Variants in CSMD1 observed in about 807,000 individuals in gnomAD.
CSMD1 encodes the protein CUB and sushi domain-containing protein 1.
CSMD1 carries 213 observed loss-of-function variants against 417.5 expected under a neutral mutation model. The ratio of observed to expected loss-of-function variants is 0.51; its 90% CI spans 0.46 to 0.57. The LOEUF (loss-of-function observed/expected upper bound fraction) is 0.57. CSMD1 is among the 20% of genes least tolerant of loss of function. The pLI is 0.00. For missense variants in CSMD1, 6,923 were observed against 4,529.7 expected (o/e 1.53, Z -15.17); for synonymous variants, 2,862 against 1,736.8 (o/e 1.65, Z -16.11).
At chr8:3,536,309 A>T (rs115223169) in intron 10 of CSMD1, among the ~76,000 whole-genome samples, 4,509 of 152,290 alleles carry the variant, frequency 0.03, 165 homozygotes, top group African/African-American at 0.085. Flanking sequence ...ATTTTACAAC[A>T]TATTTAAAAT....
chr8:4,098,896 T>C (rs1346538435), intron 3 of CSMD1, among the ~76,000 whole-genome samples: 2 of 152,296 alleles, frequency 1.3e-5, no homozygotes, highest in Non-Finnish European at 2.9e-5. Flanking sequence ...GAGGACCAAC[T>C]GTGGGTTAGA....
In CSMD1 at chr8:3,038,794, T is replaced by C. The variant is rs78621445; in HGVS notation, c.7661-9281A>G. 5.3e-5 allele frequency among the ~76,000 whole-genome samples: 8 copies of C among 152,292 alleles called. No individual in the cohort carries two copies. The East Asian group carries it at 1.4e-3, about 26-fold the overall frequency. On this transcript the variant is annotated intron_variant, in intron 50 of 69. Transcript: ENST00000635120. ...ATATATCCACATACTCAAGCGTAAT[T>C]TGTTGATTATGATGAAGACGACCTT...
chr8:4,905,188 T>C (rs898957925), intron 1 of CSMD1, among the ~76,000 whole-genome samples: 1 of 152,074 alleles, frequency 6.6e-6, no homozygotes, highest in Admixed American at 6.6e-5. Context: ...AAAAAAAAAG[T>C]TATATTTGAT....
chr8:4,114,819 A>G (rs1802047005), intron 3 of CSMD1, among the ~76,000 whole-genome samples: 1 of 152,318 alleles, frequency 6.6e-6, no homozygotes, highest in South Asian at 2.1e-4. Flanking sequence ...GAGAGGTAAA[A>G]TTAGAAGGGG....
intron 3 of CSMD1, among the ~76,000 whole-genome samples, chr8:4,223,457 G>A (rs972788217): frequency 4.7e-4 from 72 of 152,368 alleles, no homozygotes; most frequent in African/African-American, 1.7e-3. Flanking sequence ...TGCTGGCCCA[G>A]ACCATGCCAT....
chr8:4,220,996 G>C (rs1001734049), intron 3 of CSMD1, among the ~76,000 whole-genome samples: 1 of 152,184 alleles, frequency 6.6e-6, no homozygotes, highest in Non-Finnish European at 1.5e-5. Flanking sequence ...GCTCTCCTCT[G>C]CCATGCCATG....
chr8:4,591,796 G>A (rs891471500), intron 2 of CSMD1, among the ~76,000 whole-genome samples: 1 of 152,166 alleles, frequency 6.6e-6, no homozygotes, highest in African/African-American at 2.4e-5. Flanking sequence ...AATGTACTCA[G>A]CAATGAGGCA....
Position 4,656,085 on chromosome 8 carries a change from A to G in CSMD1, c.86-18527T>C, listed in dbSNP as rs139642443. ...AATGTAGGGCACAGTAATGGGAAAG[A>G]CAATGCTAGTCTTATGGGGGCAAAG... On this transcript the variant is annotated intron_variant, in intron 1 of 69. Coordinates refer to ENST00000635120, the MANE Select transcript of CSMD1 (RefSeq NM_033225.6). Among the ~76,000 whole-genome samples, 81 of 152,208 alleles carry G rather than the reference A, an allele frequency of 5.3e-4. 1 individual carries two copies. The East Asian group carries it at 0.014, about 26-fold the overall frequency.
At chr8:4,079,070 T>G (rs1799987350) in intron 3 of CSMD1, among the ~76,000 whole-genome samples, 1 of 151,980 alleles carries the variant, frequency 6.6e-6, no homozygotes, top group African/African-American at 2.4e-5. Flanking sequence ...GAATGGAACT[T>G]ATACAGCTCA....
chr8:4,301,340 G>T (rs1312038894), intron 3 of CSMD1, among the ~76,000 whole-genome samples: 2 of 152,154 alleles, frequency 1.3e-5, no homozygotes, highest in Non-Finnish European at 2.9e-5. Flanking sequence ...CAACTGTTAT[G>T]CTTTTGCTTT....
chr8:4,594,583 C>T (rs1800159610), intron 2 of CSMD1, among the ~76,000 whole-genome samples: 1 of 152,074 alleles, frequency 6.6e-6, no homozygotes, highest in Non-Finnish European at 1.5e-5. Context: ...TGGAGGGGGG[C>T]ACAACTTAAC....
chr8:4,119,347 G>A (rs1802347067), intron 3 of CSMD1, among the ~76,000 whole-genome samples: 1 of 152,120 alleles, frequency 6.6e-6, no homozygotes, highest in Admixed American at 6.5e-5. Context: ...CCACAGCAGG[G>A]AATGCTAAGT....
At chr8:4,037,686 G>T (rs925707149) in intron 3 of CSMD1, among the ~76,000 whole-genome samples, 2 of 152,110 alleles carry the variant, frequency 1.3e-5, no homozygotes, top group Non-Finnish European at 2.9e-5. Context: ...TAAAGGGGAA[G>T]GTGTGAAGAT....
intron 1 of CSMD1, among the ~76,000 whole-genome samples, chr8:4,905,768 C>G (rs13253639): frequency 7.1e-6 from 1 of 140,448 alleles, no homozygotes; most frequent in Admixed American, 7.9e-5. Flanking sequence ...TGCAGTGAGC[C>G]GAGATTGTGC....
intron 2 of CSMD1, among the ~76,000 whole-genome samples, chr8:4,607,656 C>G (rs1199767255): frequency 6.6e-6 from 1 of 152,068 alleles, no homozygotes; most frequent in East Asian, 1.9e-4. Context: ...ATGGATGGCA[C>G]TACACTTCCA....
chr8:4,219,076 C>G (rs1356596087), intron 3 of CSMD1, among the ~76,000 whole-genome samples: 1 of 152,164 alleles, frequency 6.6e-6, no homozygotes, highest in Non-Finnish European at 1.5e-5. Flanking sequence ...TCTACTCTAT[C>G]ACTTTTCCTG....
chr8:4,869,188 G>C (rs1401576422), intron 1 of CSMD1, among the ~76,000 whole-genome samples: 2 of 151,690 alleles, frequency 1.3e-5, no homozygotes, highest in Non-Finnish European at 1.5e-5. Context: ...TAATAATTTT[G>C]TACACCTGCT....
At chr8:4,027,024 T>C (rs979681550) in intron 4 of CSMD1, among the ~76,000 whole-genome samples, 1 of 152,206 alleles carries the variant, frequency 6.6e-6, no homozygotes, top group East Asian at 1.9e-4. Context: ...AACCACATGA[T>C]GTCAAGGAAC....
At chr8:3,801,324 G>A (rs576078730) in intron 5 of CSMD1, among the ~76,000 whole-genome samples, 2 of 152,052 alleles carry the variant, frequency 1.3e-5, no homozygotes, top group Non-Finnish European at 2.9e-5. Flanking sequence ...TTTCTCCAAA[G>A]AAGACATACA....
Sources: gnomAD v4.1 joint callset for allele counts (sites outside exome capture counted in the v4.1 genomes callset) on GRCh38, gnomAD v4.1.1 for gene constraint, MANE v1.5 for transcripts, NCBI Gene and HGNC (gene_info 2026-07-23, HGNC 2026-07-21) for gene names.